The following HOXA3 variants were observed in gnomAD, a reference collection of about 807,000 sequenced individuals.
The protein encoded by HOXA3 is homeobox A3, also known as homeobox protein Hox-A3.
In HOXA3, 8 loss-of-function variants were observed where a neutral mutation model predicts 30.3. The ratio of observed to expected loss-of-function variants is 0.26; its 90% CI spans 0.15 to 0.48. HOXA3 has a LOEUF of 0.48. HOXA3 is among the 20% of genes least tolerant of loss of function. The pLI, the probability that HOXA3 is intolerant of heterozygous loss-of-function variation, is 0.99. For synonymous variants in HOXA3, 323 were observed against 273.1 expected (o/e 1.18, Z -1.80); for missense variants, 653 against 614.4 (o/e 1.06, Z -0.66).
chr7:27,145,673 T>A (rs765036046), intron 1 of HOXA3: 1 of 1,613,810 alleles, frequency 6.2e-7, no homozygotes, highest in South Asian at 1.1e-5. Context: ...CGCCCGCCTT[T>A]GCCTCTGAGT....
At chr7:27,146,377 C>T (rs1160884215) in intron 1 of HOXA3, among the ~76,000 whole-genome samples, 2 of 152,114 alleles carry the variant, frequency 1.3e-5, no homozygotes, top group South Asian at 2.1e-4. Flanking sequence ...GAACTCAACA[C>T]ATTTTTTGAA....
chr7:27,138,534 T>C (rs916370396), intron 2 of HOXA3, among the ~76,000 whole-genome samples: 14 of 152,178 alleles, frequency 9.2e-5, no homozygotes, highest in African/African-American at 3.4e-4. Flanking sequence ...GTAGGAGAAT[T>C]TGGCTTAATT....
Position 27,152,276 on chromosome 7 carries a change from C to T in HOXA3, c.-494+12G>A. 2.3e-6 allele frequency: 3 copies of T among 1,280,002 alleles called. No homozygotes were observed. Among genetic ancestry groups the T allele is most frequent in the Non-Finnish European group, 2.0e-6 (2 of 983,708 alleles). 79.3% of individuals were successfully genotyped at this position (1,280,002 alleles called of 1,614,324 possible). A position where few individuals can be genotyped will look rare whatever the true frequency, so the allele number is the denominator to read the frequency against. On this transcript the variant is annotated intron_variant, in intron 1 of 5. Transcript: ENST00000612286. ...ACCACCTTTGCTCCTATCTCCTCCC[C>T]ACATGTCTCACCTTCAGACGGTGGC...
At position 27,110,504 on chromosome 7, in the gene HOXA3, T is replaced by C. The variant is rs1353222884; in HGVS notation, c.137A>G (p.His46Arg). Residue 46 changes from histidine to arginine, a missense_variant, in exon 5 of 6, where the codon CAC (histidine) becomes CGC (arginine). Coordinates refer to ENST00000612286, the MANE Select transcript of HOXA3 (RefSeq NM_153631.3). ...AGACTGGAGGGAGCAGGCGGGTCGG[T>C]GGTACTCGCCGTCGGCGCCCAAAGC... The part of the protein sequence containing the change: ...SAALGADGEY[H>R]RPACSLQSPS... The C allele has an allele frequency of 6.2e-7, 1 of 1,605,282 alleles. No homozygotes were observed. The highest frequency in any genetic ancestry group is 8.5e-7 in the Non-Finnish European group (1 of 1,174,224).
intron 1 of HOXA3, chr7:27,151,033 C>G (rs533281537): frequency 1.3e-5 from 2 of 152,332 alleles, no homozygotes; most frequent in African/African-American, 4.8e-5. Context: ...GCGGCAGCCG[C>G]AGTCAGGAAG....
chr7:27,130,265 AGCGCCGCGGGGCCGCTGGGGGCACGGC>A, intron 2 of HOXA3: 1 of 1,173,680 alleles, frequency 8.5e-7, no homozygotes, highest in South Asian at 3.5e-5. Context: ...GCCGCCTCGC[AGCGCCGCGGGGCCGCTGGGGGCACGGC>A]GCGAGGCTGC....
intron 2 of HOXA3, among the ~76,000 whole-genome samples, chr7:27,137,233 GC>G: frequency 6.6e-6 from 1 of 152,276 alleles, no homozygotes; most frequent in Non-Finnish European, 1.5e-5. Context: ...TCTCAGAGCC[GC>G]CAACAATGAA....
At position 27,110,709 on chromosome 7, in the gene HOXA3, A is replaced by C; in HGVS notation, c.-69T>G. 1 of 1,579,488 alleles carries C rather than the reference A, an allele frequency of 6.3e-7. No homozygotes were observed. The highest frequency in any genetic ancestry group is 8.7e-7 in the Non-Finnish European group (1 of 1,155,718). ...GACACCCGTGAGGGCGCACATTGGC[A>C]CGCCCCCGCGGTCACGTGACACTCC... On this transcript the variant is annotated 5_prime_UTR_variant, in exon 5 of 6. Transcript: ENST00000612286.
rs556727783 is a variant in HOXA3 at position 27,130,926 on chromosome 7, C to T, written c.-389-3856G>A. 5.3e-4 allele frequency: 335 copies of T among 626,930 alleles called. 1 individual carries two copies. In the African/African-American group the frequency reaches 5.6e-3, roughly 10 times the overall value. The allele number at this position is 626,930 out of a possible 1,614,324, so 38.8% of individuals were successfully genotyped here. A position where few individuals can be genotyped will look rare whatever the true frequency, so the allele number is the denominator to read the frequency against. On this transcript the variant is annotated intron_variant, in intron 2 of 5. Coordinates refer to ENST00000612286, the MANE Select transcript of HOXA3 (RefSeq NM_153631.3). ...CAAAGTTCGAGCCGCTCCTCCCCAG[C>T]CCAGCGCGCGCCCCGCCCCGTGCCC... is the stretch of plus-strand genomic sequence containing the variant.
intron 2 of HOXA3, among the ~76,000 whole-genome samples, chr7:27,135,237 T>G (rs2128056866): frequency 6.6e-6 from 1 of 152,126 alleles, no homozygotes; most frequent in South Asian, 2.1e-4. Context: ...GAATAGAAAA[T>G]ATTCTATTCT....
intron 1 of HOXA3, among the ~76,000 whole-genome samples, chr7:27,144,012 T>C (rs930739987): frequency 6.6e-6 from 1 of 152,248 alleles, no homozygotes; most frequent in African/African-American, 2.4e-5. Context: ...GGCAAAATTA[T>C]TGCATTTCCC....
chr7:27,145,703 G>C (rs1782734423), intron 1 of HOXA3: 11 of 1,614,202 alleles, frequency 6.8e-6, no homozygotes, highest in Non-Finnish European at 9.3e-6. Context: ...TGGGCTGCGT[G>C]GAATTGATGA....
chr7:27,145,555 C>T, intron 1 of HOXA3: 1 of 1,430,966 alleles, frequency 7.0e-7, no homozygotes, highest in Non-Finnish European at 9.4e-7. Context: ...GCTGCGGAAG[C>T]CCCCAGATGG....
In HOXA3 at chr7:27,117,623, T is replaced by C. The variant is rs373803238; in HGVS notation, c.-121+4936A>G. On this transcript the variant is annotated intron_variant, in intron 4 of 5. Coordinates refer to ENST00000612286, the MANE Select transcript of HOXA3 (RefSeq NM_153631.3). Reference sequence around the variant, plus strand: ...GTGCCTGGAAGCATCATCAATAAAATGGCAGCGCATCTGCACATTTCCCTC... The same window carrying C: ...GTGCCTGGAAGCATCATCAATAAAACGGCAGCGCATCTGCACATTTCCCTC... Among the ~76,000 whole-genome samples the C allele has an allele frequency of 8.1e-4, 123 of 152,290 alleles. 3 individuals are homozygous for C. In the East Asian group the frequency reaches 0.019, roughly 24 times the overall value.
At chr7:27,131,290 A>C (rs1785552048) in intron 2 of HOXA3, among the ~76,000 whole-genome samples, 1 of 152,074 alleles carries the variant, frequency 6.6e-6, no homozygotes, top group African/African-American at 2.4e-5. Flanking sequence ...ACCGAGGGGC[A>C]TCCTGGTTTT....
rs909441206 is a variant in HOXA3 at position 27,108,693 on chromosome 7, G to T, written c.554C>A (p.Pro185Gln). The T allele has an allele frequency of 1.9e-6, 3 of 1,606,166 alleles. No homozygotes were observed. The highest frequency in any genetic ancestry group is 2.6e-6 in the Non-Finnish European group (3 of 1,174,328). ...GCGCTTGGACGAAGCCTGCCCCGGC[G>T]GGCTCTTGTCGCCAGCGCAGCTTTC... ...SGESCAGDKS[P>Q]PGQASSKRAR... The change falls in exon 6 of 6, where the codon CCG becomes CAG. Residue 185 changes from proline to glutamine, a missense_variant. By Grantham distance (76) the Pro-to-Gln change is moderately conservative. Around this residue, in one of 3 missense-constraint regions of HOXA3, gnomAD observed 320 missense variants for 321.9 expected, o/e 0.99. Coordinates refer to ENST00000612286, the MANE Select transcript of HOXA3 (RefSeq NM_153631.3). The surrounding 1 kb of genome is among the most constrained non-coding windows in gnomAD (Gnocchi z 5.0).
chr7:27,131,497 A>G (rs1785558833), intron 2 of HOXA3, among the ~76,000 whole-genome samples: 1 of 152,198 alleles, frequency 6.6e-6, no homozygotes, highest in Non-Finnish European at 1.5e-5. Context: ...CTGGATGGAC[A>G]CTTTTCATTT....
At chr7:27,130,250 C>CG in intron 2 of HOXA3, 1 of 1,252,314 alleles carries the variant, frequency 8.0e-7, no homozygotes, top group South Asian at 2.3e-5. Context: ...CCTGGGGTGG[C>CG]GGGGGCCGCC....
intron 2 of HOXA3, chr7:27,129,986 C>A: frequency 9.2e-7 from 1 of 1,083,644 alleles, no homozygotes; most frequent in Non-Finnish European, 1.3e-6. Context: ...CCACATCTCA[C>A]CGCAGCCCGG....
Sources: allele counts gnomAD v4.1 joint callset (sites outside exome capture counted in the v4.1 genomes callset), GRCh38; gene constraint gnomAD v4.1.1; regional missense constraint gnomAD v4.1.1; non-coding constraint Gnocchi (gnomAD v3.1); transcripts MANE v1.5; gene names NCBI Gene and HGNC (gene_info 2026-07-23, HGNC 2026-07-21).